The following GUCY1A2 variants were observed in gnomAD, a reference collection of about 807,000 sequenced individuals.
The protein encoded by GUCY1A2 is guanylate cyclase 1 soluble subunit alpha 2.
GUCY1A2 carries 27 observed loss-of-function variants against 63.5 expected under a neutral mutation model. The observed-to-expected ratio is 0.43, with a 90% confidence interval of 0.31 to 0.59. The LOEUF (loss-of-function observed/expected upper bound fraction) is 0.59. Ranked by LOEUF, GUCY1A2 falls within the 20% of genes least tolerant of loss-of-function variation. The probability of loss-of-function intolerance (pLI) is 0.11; values close to 1 mark genes in which losing one functional copy is unlikely to be tolerated. For synonymous variants in GUCY1A2, 364 were observed against 343.5 expected (o/e 1.06, Z -0.66); for missense variants, 768 against 913.3 (o/e 0.84, Z 2.05).
At chr11:106,770,029 TA>T (rs1181682307) in intron 6 of GUCY1A2, among the ~76,000 whole-genome samples, 1 of 151,842 alleles carries the variant, frequency 6.6e-6, no homozygotes, top group East Asian at 2.0e-4. Flanking sequence ...AATATGGCAT[TA>T]AAAAATAAAA....
chr11:106,704,784 TTC>T (rs1326394501), intron 7 of GUCY1A2, among the ~76,000 whole-genome samples: 2 of 151,972 alleles, frequency 1.3e-5, no homozygotes, highest in African/African-American at 4.8e-5. Context: ...AAGCAATTAT[TTC>T]TGTTTTATAG....
chr11:106,685,343 C>G lies in GUCY1A2; in HGVS notation c.*2206G>C, dbSNP rs1862506877. ...CTATCACTAGTATTGAGGTGGATTT[C>G]CAATGATGCTTTTCAAATATGCTTC... is the stretch of plus-strand genomic sequence containing the variant. On this transcript the variant is annotated 3_prime_UTR_variant, in exon 8 of 8. Transcript: ENST00000526355. The G allele has an allele frequency of 4.7e-6, 1 of 211,230 alleles. No individual in the cohort carries two copies. The allele number at this position is 211,230 out of a possible 1,614,324, so 13.1% of individuals were successfully genotyped here. A position where few individuals can be genotyped will look rare whatever the true frequency, so the allele number is the denominator to read the frequency against.
chr11:106,715,613 A>G (rs1378354544), intron 6 of GUCY1A2, among the ~76,000 whole-genome samples: 2 of 152,208 alleles, frequency 1.3e-5, no homozygotes, highest in Non-Finnish European at 2.9e-5. Context: ...CACAATTATT[A>G]AATCCAACAC....
At chr11:106,877,838 C>T (rs1408567540) in intron 4 of GUCY1A2, among the ~76,000 whole-genome samples, 6 of 152,000 alleles carry the variant, frequency 3.9e-5, no homozygotes, top group Non-Finnish European at 8.8e-5. Context: ...AGTAAACAGA[C>T]AAACTACAGA....
chr11:106,761,796 C>A (rs1298799173), intron 6 of GUCY1A2, among the ~76,000 whole-genome samples: 1 of 152,062 alleles, frequency 6.6e-6, no homozygotes, highest in African/African-American at 2.4e-5. Flanking sequence ...TGGTATGACT[C>A]TTGCTTCCCT....
intron 6 of GUCY1A2, among the ~76,000 whole-genome samples, chr11:106,772,070 C>CATTCTCTGGTTATTTTCA (rs2135399360): frequency 6.6e-6 from 1 of 152,072 alleles, no homozygotes; most frequent in African/African-American, 2.4e-5. Flanking sequence ...CAAAATGCTA[C>CATTCTCTGGTTATTTTCA]ATTCTCTGGT....
chr11:106,927,556 C>A (rs975100636), intron 4 of GUCY1A2, among the ~76,000 whole-genome samples: 2 of 150,974 alleles, frequency 1.3e-5, no homozygotes, highest in Admixed American at 1.3e-4. Context: ...ATAATAAACT[C>A]TTGTATGGAA....
chr11:106,768,329 A>T (rs372617860), intron 6 of GUCY1A2, among the ~76,000 whole-genome samples: 1 of 138,634 alleles, frequency 7.2e-6, no homozygotes, highest in African/African-American at 2.6e-5. Context: ...AAAACAAATT[A>T]TTTTATTTTT....
At chr11:106,817,503 G>A (rs1411685075) in intron 4 of GUCY1A2, among the ~76,000 whole-genome samples, 1 of 152,018 alleles carries the variant, frequency 6.6e-6, no homozygotes, top group Non-Finnish European at 1.5e-5. Flanking sequence ...ATAGATCAAT[G>A]AGATTCTATC....
intron 1 of GUCY1A2, among the ~76,000 whole-genome samples, chr11:106,989,817 T>A (rs1335527915): frequency 6.6e-6 from 1 of 152,090 alleles, no homozygotes; most frequent in Admixed American, 6.5e-5. Flanking sequence ...TTCTCAATAT[T>A]AAGGCTGAGG....
At position 106,680,398 on chromosome 11, in the gene GUCY1A2, C is replaced by T; in HGVS notation, c.*7151G>A. The stretch of plus-strand genomic sequence containing the variant: ...AAGAAGACTGAATATAAAGTGATTT[C>T]TTCAGTTTAAAAATATGTATCAAAA... On this transcript the variant is annotated 3_prime_UTR_variant, in exon 8 of 8. Transcript: ENST00000526355. 2 of 208,212 alleles carry T rather than the reference C, an allele frequency of 9.6e-6. No individual in the cohort carries two copies. Among genetic ancestry groups the T allele is most frequent in the East Asian group, 7.3e-5 (1 of 13,692 alleles). The allele number at this position is 208,212 out of a possible 1,614,324, so 12.9% of individuals were successfully genotyped here.
chr11:106,721,436 T>C (rs1479947298), intron 6 of GUCY1A2, among the ~76,000 whole-genome samples: 1 of 152,232 alleles, frequency 6.6e-6, no homozygotes, highest in South Asian at 2.1e-4. Context: ...TGAAATAAAA[T>C]AATTGAAAAT....
At chr11:106,851,185 T>G (rs895581213) in intron 4 of GUCY1A2, among the ~76,000 whole-genome samples, 3 of 139,930 alleles carry the variant, frequency 2.1e-5, no homozygotes, top group Non-Finnish European at 4.5e-5. Context: ...TTTAAATGGG[T>G]TTTTTTTTGT....
chr11:106,798,061 C>T (rs146251612), intron 5 of GUCY1A2, among the ~76,000 whole-genome samples: 2,246 of 151,532 alleles, frequency 0.015, 35 homozygotes, highest in South Asian at 0.049. Flanking sequence ...ATCAAATAGA[C>T]GCAATAATGA....
chr11:106,707,783 C>T (rs997721813), intron 7 of GUCY1A2, among the ~76,000 whole-genome samples: 4 of 151,916 alleles, frequency 2.6e-5, no homozygotes, highest in Admixed American at 2.0e-4. Context: ...AGAATGAATT[C>T]AGGAGGCAAA....
Position 106,954,311 on chromosome 11 carries a change from T to C in GUCY1A2, c.488-14133A>G, listed in dbSNP as rs576028737. On this transcript the variant is annotated intron_variant, in intron 3 of 7. Transcript: ENST00000526355. ...AACAAGTTGTTCAATTTCCATGAAA[T>C]TGTGTCGTTTTGAGTGAGTTTCTTA... 4.9e-4 allele frequency among the ~76,000 whole-genome samples: 75 copies of C among 152,326 alleles called. 1 individual carries two copies. Among genetic ancestry groups the C allele is most frequent in the Non-Finnish European group, 8.7e-4 (59 of 68,026 alleles).
intron 6 of GUCY1A2, among the ~76,000 whole-genome samples, chr11:106,746,989 T>TTTTG (rs748401190): frequency 6.6e-6 from 1 of 152,108 alleles, no homozygotes; most frequent in African/African-American, 2.4e-5. Context: ...TGTGGGTTTT[T>TTTTG]TTTGTTTGTT....
chr11:106,941,885 A>G (rs1469745668), intron 3 of GUCY1A2, among the ~76,000 whole-genome samples: 1 of 152,188 alleles, frequency 6.6e-6, no homozygotes, highest in Non-Finnish European at 1.5e-5. Context: ...TAAGCATTTC[A>G]TATTCATTTT....
At chr11:106,931,623 TG>T (rs34351672) in intron 4 of GUCY1A2, among the ~76,000 whole-genome samples, 127,945 of 151,850 alleles carry the variant, frequency 0.84, 54,291 homozygotes, top group East Asian at 1. Context: ...ACAAACCGTG[TG>T]GTATCTATGC....
Sources: gnomAD v4.1 joint callset for allele counts (sites outside exome capture counted in the v4.1 genomes callset) on GRCh38, gnomAD v4.1.1 for gene constraint, MANE v1.5 for transcripts, NCBI Gene and HGNC (gene_info 2026-07-23, HGNC 2026-07-21) for gene names.